Variants in USP34 observed in about 807,000 individuals in gnomAD.
The protein encoded by USP34 is ubiquitin carboxyl-terminal hydrolase 34.
USP34 carries 70 observed loss-of-function variants against 460.3 expected under a neutral mutation model. The ratio of observed to expected loss-of-function variants is 0.15; its 90% CI spans 0.13 to 0.19. The LOEUF (loss-of-function observed/expected upper bound fraction) is 0.19. Ranked by LOEUF, USP34 falls within the 10% of genes least tolerant of loss-of-function variation. USP34 has a pLI of 1.00. For missense variants in USP34, 3,985 were observed against 4,236.2 expected (o/e 0.94, Z 1.65); for synonymous variants, 1,647 against 1,405.3 (o/e 1.17, Z -3.85).
intron 1 of USP34, among the ~76,000 whole-genome samples, chr2:61,432,618 T>G (rs1694709637): frequency 6.6e-6 from 1 of 152,170 alleles, no homozygotes; most frequent in Non-Finnish European, 1.5e-5. Context: ...ATCTTTAAAA[T>G]TTTTAAATGC....
intron 25 of USP34, among the ~76,000 whole-genome samples, chr2:61,314,011 A>G (rs1195388639): frequency 6.6e-6 from 1 of 152,018 alleles, no homozygotes; most frequent in East Asian, 1.9e-4. Flanking sequence ...CTTTCATTTC[A>G]GTCGATATAT....
chr2:61,341,214 T>G lies in USP34; in HGVS notation c.2501-1533A>C, dbSNP rs34668697. On this transcript the variant is annotated intron_variant, in intron 16 of 79. Coordinates refer to ENST00000398571, the MANE Select transcript of USP34 (RefSeq NM_014709.4). ...ATGAGCAAAATTCCACTATGTGAAT[T>G]TATCAGTTAATTCCAGTTGGAAGGC... is the stretch of plus-strand genomic sequence containing the variant. Among the ~76,000 whole-genome samples the G allele has an allele frequency of 6.4e-4, 97 of 152,130 alleles. 1 individual carries two copies. In the Middle Eastern group the frequency reaches 0.01, roughly 16 times the overall value.
intron 29 of USP34, among the ~76,000 whole-genome samples, chr2:61,299,753 CAAAAATAAAAATAATAA>C (rs1690162697): frequency 6.6e-6 from 1 of 151,968 alleles, no homozygotes; most frequent in Non-Finnish European, 1.5e-5. Context: ...CCATGTCTCA[CAAAAATAAAAATAATAA>C]TAAAATAAAT....
At chr2:61,232,427 T>A in intron 58 of USP34, 25 bp downstream of exon 58, 1 of 1,561,858 alleles carries the variant, frequency 6.4e-7, no homozygotes, top group South Asian at 1.2e-5. Context: ...TCCAAATAAT[T>A]TTTTTCAAAC....
chr2:61,217,901 G>C (rs1687448589), intron 67 of USP34, among the ~76,000 whole-genome samples: 2 of 152,082 alleles, frequency 1.3e-5, no homozygotes, highest in Non-Finnish European at 2.9e-5. Flanking sequence ...GTTGCAGTGA[G>C]CCGAGATCAC....
rs965843056 is a variant in USP34, at chr2:61,256,431, G to A, written c.6174C>T (p.Asn2058=). 6.2e-7 allele frequency: 1 copy of A among 1,611,468 alleles called. No individual in the cohort carries two copies. The highest frequency in any genetic ancestry group is 1.3e-5 in the African/African-American group (1 of 74,772). ...VTIKDTLEGD[N]MYTCSHCGKK... is the part of the protein sequence containing the mutation. ...TCCCACAATGAGAACAAGTATACAT[G>A]TTATCACCTTCCAAAGTGTCTTTTA... The change falls in exon 48 of 80, where the codon AAC becomes AAT. Residue 2058 remains asparagine (N), a synonymous_variant. Transcript: ENST00000398571.
intron 41 of USP34, among the ~76,000 whole-genome samples, chr2:61,272,134 G>A (rs1005961997): frequency 1.3e-5 from 2 of 152,062 alleles, no homozygotes; most frequent in African/African-American, 2.4e-5. Context: ...ATTCTTGGCC[G>A]GGCACGGCGG....
chr2:61,254,554 C>G (rs1467771895), intron 48 of USP34, among the ~76,000 whole-genome samples: 2 of 152,224 alleles, frequency 1.3e-5, no homozygotes, highest in African/African-American at 4.8e-5. Context: ...TTCTTAGTAA[C>G]TAACTGCATA....
chr2:61,406,140 A>C lies in USP34; in HGVS notation c.132-12T>G. On this transcript the variant is annotated splice_polypyrimidine_tract_variant and intron_variant, in intron 2 of 79. Coordinates refer to ENST00000398571, the MANE Select transcript of USP34 (RefSeq NM_014709.4). ...AGCATAGACATTGCCTATAAGAGAA[A>C]AAAAATTGAATAAATTAGTAATAAA... 1 of 1,515,084 alleles carries C rather than the reference A, an allele frequency of 6.6e-7. No homozygotes were observed. Among genetic ancestry groups the C allele is most frequent in the Non-Finnish European group, 8.8e-7 (1 of 1,134,714 alleles). The allele number at this position is 1,515,084 out of a possible 1,614,324, so 93.9% of individuals were successfully genotyped here. A position where few individuals can be genotyped will look rare whatever the true frequency, so the allele number is the denominator to read the frequency against.
rs1687338522 is a variant in USP34 at position 61,214,041 on chromosome 2, G to A, written c.8682+19C>T. The A allele has an allele frequency of 1.2e-6, 2 of 1,613,220 alleles. No individual in the cohort carries two copies. The highest frequency in any genetic ancestry group is 4.5e-5 in the East Asian group (2 of 44,880). ...AATCTATTTGAGGATACAGATAAAA[G>A]AGTATCAATTTTACTCACTCCAGGG... On this transcript the variant is annotated intron_variant, in intron 68 of 79. Transcript: ENST00000398571.
rs367789497 is a variant in USP34 at position 61,204,836 on chromosome 2, A to G, written c.9155-235T>C. ...AAAGATTAAAACACTATTTATTGGTATTTTGTTTTAAGTATGAGATATTTT... is the reference window on the plus strand; with the variant it reads ...AAAGATTAAAACACTATTTATTGGTGTTTTGTTTTAAGTATGAGATATTTT... On this transcript the variant is annotated intron_variant, in intron 72 of 79. Transcript: ENST00000398571. Among the ~76,000 whole-genome samples, 9 of 152,244 alleles carry G rather than the reference A, an allele frequency of 5.9e-5. No homozygotes were observed. The East Asian group carries it at 1.4e-3, about 23-fold the overall frequency.
chr2:61,414,557 A>T (rs530719060), intron 2 of USP34, among the ~76,000 whole-genome samples: 3 of 152,240 alleles, frequency 2.0e-5, no homozygotes, highest in Non-Finnish European at 4.4e-5. Context: ...GGAATCCAGG[A>T]AACTTGGAGA....
In USP34 at chr2:61,289,086, T is replaced by C. The variant is rs1356305745; in HGVS notation, c.4549-209A>G. ...AAAGTATCTAGAAATAAAGAGGGTA[T>C]ACAAGATGTATTTAATGAAATGGAA... On this transcript the variant is annotated intron_variant, in intron 33 of 79. Coordinates refer to ENST00000398571, the MANE Select transcript of USP34 (RefSeq NM_014709.4). 3.3e-5 allele frequency among the ~76,000 whole-genome samples: 5 copies of C among 152,272 alleles called. No individual in the cohort carries two copies. In the East Asian group the frequency reaches 9.6e-4, roughly 29 times the overall value.
In USP34 at chr2:61,280,520, G is replaced by C. The variant is rs562525479; in HGVS notation, c.5152-172C>G. On this transcript the variant is annotated intron_variant, in intron 38 of 79. Transcript: ENST00000398571. ...GTTTCTGTAAAATCAGAATAACCAG[G>C]CAAAAAAATGACAAACGTAAGAACT... Among the ~76,000 whole-genome samples the C allele has an allele frequency of 6.6e-5, 10 of 151,900 alleles. No individual in the cohort carries two copies. The South Asian group carries it at 2.1e-3, about 32-fold the overall frequency.
At chr2:61,253,611 T>C (rs1265728152) in intron 48 of USP34, among the ~76,000 whole-genome samples, 2 of 152,216 alleles carry the variant, frequency 1.3e-5, no homozygotes, top group Non-Finnish European at 2.9e-5. Context: ...GCAATTTTAG[T>C]ATCTTATTGT....
intron 33 of USP34, among the ~76,000 whole-genome samples, chr2:61,291,507 G>A (rs922711374): frequency 6.6e-6 from 1 of 152,128 alleles, no homozygotes; most frequent in Non-Finnish European, 1.5e-5. Flanking sequence ...GATGTTCACC[G>A]ACTGATCAAT....
chr2:61,461,870 T>C (rs1695611172), intron 1 of USP34, among the ~76,000 whole-genome samples: 1 of 152,188 alleles, frequency 6.6e-6, no homozygotes, highest in Admixed American at 6.6e-5. Context: ...AAGATGTACA[T>C]TTGCGGCATT....
intron 1 of USP34, among the ~76,000 whole-genome samples, chr2:61,423,340 G>T (rs138144088): frequency 6.6e-6 from 1 of 152,014 alleles, no homozygotes; most frequent in Non-Finnish European, 1.5e-5. Flanking sequence ...TCGAACTCCT[G>T]ATCATAAGTG....
At chr2:61,374,662 T>A (rs1261354261) in intron 8 of USP34, among the ~76,000 whole-genome samples, 1 of 151,972 alleles carries the variant, frequency 6.6e-6, no homozygotes, top group Non-Finnish European at 1.5e-5. Flanking sequence ...CAGGCCGAAG[T>A]GCAGTGGCGC....
Sources: allele counts gnomAD v4.1 joint callset (sites outside exome capture counted in the v4.1 genomes callset), GRCh38; gene constraint gnomAD v4.1.1; transcripts MANE v1.5; gene names NCBI Gene and HGNC (gene_info 2026-07-23, HGNC 2026-07-21).